Variants in DDR2 observed in about 807,000 individuals in gnomAD.
DDR2 encodes the protein discoidin domain-containing receptor 2.
Under a neutral mutation model 94.9 loss-of-function variants are expected in DDR2, and 27 were observed. The ratio of observed to expected loss-of-function variants is 0.28; its 90% CI spans 0.21 to 0.39. The LOEUF is 0.39. Among genes scored for constraint, DDR2 ranks in the 10% least tolerant of loss-of-function variants. The pLI, the probability that DDR2 is intolerant of heterozygous loss-of-function variation, is 1.00. For synonymous variants in DDR2, 382 were observed against 377.2 expected (o/e 1.01, Z -0.15); for missense variants, 783 against 1,076.0 (o/e 0.73, Z 3.81).
At chr1:162,673,696 A>G (rs187512882) in intron 2 of DDR2, among the ~76,000 whole-genome samples, 1 of 151,786 alleles carries the variant, frequency 6.6e-6, no homozygotes, top group South Asian at 2.1e-4. Context: ...AATGATTCAG[A>G]TCTCCATTTT....
chr1:162,750,023 G>A (rs547369506), intron 3 of DDR2, among the ~76,000 whole-genome samples: 6 of 151,866 alleles, frequency 4.0e-5, no homozygotes, highest in African/African-American at 1.2e-4. Flanking sequence ...TATGACAAAC[G>A]CACAGCCAAT....
intron 2 of DDR2, among the ~76,000 whole-genome samples, chr1:162,715,923 C>T (rs761404559): frequency 1.4e-4 from 22 of 152,110 alleles, no homozygotes; most frequent in Non-Finnish European, 2.8e-4. Context: ...GCTTGAAGCC[C>T]GGCAACAGTT....
At chr1:162,720,061 A>C (rs903281215) in intron 3 of DDR2, among the ~76,000 whole-genome samples, 1 of 152,206 alleles carries the variant, frequency 6.6e-6, no homozygotes, top group Non-Finnish European at 1.5e-5. Flanking sequence ...AAAGCAATTC[A>C]TGTGGCCAAG....
intron 3 of DDR2, among the ~76,000 whole-genome samples, chr1:162,748,289 TAAAGGGA>T (rs1662988193): frequency 6.6e-6 from 1 of 151,816 alleles, no homozygotes; most frequent in African/African-American, 2.4e-5. Flanking sequence ...AGGCTCAAAA[TAAAGGGA>T]TGGAGGAAGA....
At chr1:162,741,281 A>G (rs1301058583) in intron 3 of DDR2, among the ~76,000 whole-genome samples, 1 of 126,598 alleles carries the variant, frequency 7.9e-6, no homozygotes, top group Non-Finnish European at 1.7e-5. Flanking sequence ...ATATAATATA[A>G]TATAATATAA....
chr1:162,737,474 C>A (rs1016744849), intron 3 of DDR2, among the ~76,000 whole-genome samples: 26 of 136,620 alleles, frequency 1.9e-4, no homozygotes, highest in African/African-American at 6.8e-4. Context: ...CATGTCCCTA[C>A]AAAGGACATG....
intron 3 of DDR2, among the ~76,000 whole-genome samples, chr1:162,747,732 G>C (rs1042007915): frequency 6.6e-6 from 1 of 152,266 alleles, no homozygotes; most frequent in Non-Finnish European, 1.5e-5. Context: ...AGGAAAAAAC[G>C]TTAAGGGTAG....
chr1:162,639,636 C>T (rs1394515509), intron 1 of DDR2, among the ~76,000 whole-genome samples: 1 of 152,182 alleles, frequency 6.6e-6, no homozygotes, highest in Non-Finnish European at 1.5e-5. Flanking sequence ...CCCTGATTAG[C>T]TGGACTTCAT....
At chr1:162,718,413 T>C (rs1661267260) in intron 2 of DDR2, among the ~76,000 whole-genome samples, 1 of 152,214 alleles carries the variant, frequency 6.6e-6, no homozygotes, top group Admixed American at 6.5e-5. Flanking sequence ...TATGTGTGTA[T>C]ACTAACCCAG....
At chr1:162,703,522 T>C (rs1184919468) in intron 2 of DDR2, among the ~76,000 whole-genome samples, 3 of 152,240 alleles carry the variant, frequency 2.0e-5, no homozygotes, top group South Asian at 4.2e-4. Flanking sequence ...AAACCTCCAA[T>C]TGGCTTAAGT....
Position 162,759,795 on chromosome 1 carries a change from G to A in DDR2, c.672-1G>A, listed in dbSNP as rs1481423099. On this transcript the variant is annotated splice_acceptor_variant, in intron 7 of 17. Coordinates refer to ENST00000367921, the MANE Select transcript of DDR2 (RefSeq NM_006182.4). LOFTEE classifies it high-confidence loss of function. ...TCCTCCTCTTCTCCTGGCCTGAGCA[G>A]CATGACAGAAGGGCTAGGCCAATTG... 6.2e-7 allele frequency: 1 copy of A among 1,613,880 alleles called. No individual in the cohort carries two copies. Among genetic ancestry groups the A allele is most frequent in the Non-Finnish European group, 8.5e-7 (1 of 1,180,020 alleles).
At chr1:162,656,436 T>C (rs1657968837) in intron 2 of DDR2, among the ~76,000 whole-genome samples, 2 of 152,196 alleles carry the variant, frequency 1.3e-5, no homozygotes, top group Non-Finnish European at 2.9e-5. Context: ...TATCTCTTCC[T>C]TTCTGTTTAT....
chr1:162,670,189 C>T (rs1288662259), intron 2 of DDR2, among the ~76,000 whole-genome samples: 1 of 152,206 alleles, frequency 6.6e-6, no homozygotes, highest in South Asian at 2.1e-4. Context: ...CAGCTCACTG[C>T]GACCTCTGCC....
intron 2 of DDR2, among the ~76,000 whole-genome samples, chr1:162,672,889 G>C (rs748646677): frequency 1.4e-4 from 21 of 152,110 alleles, no homozygotes; most frequent in Admixed American, 6.5e-4. Flanking sequence ...TCCCCACTCA[G>C]AGACATGGAA....
intron 3 of DDR2, among the ~76,000 whole-genome samples, chr1:162,724,649 A>G (rs1661574419): frequency 6.6e-6 from 1 of 152,140 alleles, no homozygotes; most frequent in Admixed American, 6.6e-5. Context: ...TCGTGTTCCC[A>G]GAGATGTGCT....
chr1:162,764,392 T>TAAAAAA (rs375251287), intron 9 of DDR2, among the ~76,000 whole-genome samples: 4 of 122,584 alleles, frequency 3.3e-5, no homozygotes, highest in Non-Finnish European at 3.3e-5. Context: ...CAGAATGCTT[T>TAAAAAA]AAAAAAAAAA....
At chr1:162,717,303 T>C (rs1462166202) in intron 2 of DDR2, among the ~76,000 whole-genome samples, 2 of 152,206 alleles carry the variant, frequency 1.3e-5, no homozygotes, top group Admixed American at 1.3e-4. Context: ...TCCAAAGTTC[T>C]GGGATTACAG....
Position 162,755,254 on chromosome 1 carries a change from C to T in DDR2, c.516C>T (p.His172=). The part of the protein sequence containing the change: ...RFVRFIPVTD[H]SMNVCMRVEL... ...TCCGGTTCATTCCAGTCACCGACCA[C>T]TCCATGAATGTGTGTATGAGAGTGG... is the stretch of plus-strand genomic sequence containing the variant. Residue 172 remains histidine (H), a synonymous_variant, in exon 6 of 18, where the codon CAC becomes CAT. Coordinates refer to ENST00000367921, the MANE Select transcript of DDR2 (RefSeq NM_006182.4). The T allele has an allele frequency of 1.9e-6, 3 of 1,614,094 alleles. No homozygotes were observed. The highest frequency in any genetic ancestry group is 2.5e-6 in the Non-Finnish European group (3 of 1,180,022).
chr1:162,776,829 T>G (rs527345011), intron 16 of DDR2, among the ~76,000 whole-genome samples: 4 of 152,318 alleles, frequency 2.6e-5, no homozygotes, highest in Non-Finnish European at 5.9e-5. Flanking sequence ...TTTATAATTT[T>G]TATTTGATTC....
Sources: gnomAD v4.1 joint callset for allele counts (sites outside exome capture counted in the v4.1 genomes callset) on GRCh38, gnomAD v4.1.1 for gene constraint, MANE v1.5 for transcripts, NCBI Gene and HGNC (gene_info 2026-07-23, HGNC 2026-07-21) for gene names.